ZNF608: variants seen among roughly 807,000 people sequenced by gnomAD.
ZNF608 encodes the protein zinc finger protein 608.
A neutral mutation model predicts 109.0 loss-of-function variants in ZNF608; 12 were observed. The ratio of observed to expected loss-of-function variants is 0.11; its 90% CI spans 0.07 to 0.18. The LOEUF (loss-of-function observed/expected upper bound fraction) is 0.18, where lower values mean the gene tolerates loss of function less well. Among genes scored for constraint, ZNF608 ranks in the 10% least tolerant of loss-of-function variants. ZNF608 has a pLI of 1.00. For missense variants in ZNF608, 1,707 were observed against 1,879.3 expected, an observed-to-expected ratio of 0.91 and a Z score of 1.70; for synonymous variants, 732 against 717.4, an observed-to-expected ratio of 1.02 and a Z score of -0.33.
Position 124,647,262 on chromosome 5 carries a change from T to G in ZNF608, c.3122A>C (p.Lys1041Thr). 1.2e-6 allele frequency: 2 copies of G among 1,614,250 alleles called. No homozygotes were observed. Among genetic ancestry groups the G allele is most frequent in the East Asian group, 2.2e-5 (1 of 44,888 alleles). ...KKESEEDAEK[K>T]DKAEQLDSKK... ...AGAATCTAACTGCTCTGCCTTGTCTTTCTTTTCAGCATCTTCCTCAGACTC... is the reference window on the plus strand; with the variant it reads ...AGAATCTAACTGCTCTGCCTTGTCTGTCTTTTCAGCATCTTCCTCAGACTC... Residue 1041 changes from lysine (K) to threonine (T), a missense_variant, in exon 5 of 10, where the codon AAA (lysine) becomes ACA (threonine). By Grantham distance (78) the Lys-to-Thr change is moderately conservative (BLOSUM62 -1). This residue lies in a region of ZNF608 where 1,073 missense variants were observed against 1,133.5 expected (regional missense o/e 0.95). Transcript: ENST00000513986.
At chr5:124,669,639 C>G (rs1229348205) in intron 3 of ZNF608, among the ~76,000 whole-genome samples, 4 of 138,894 alleles carry the variant, frequency 2.9e-5, no homozygotes, top group Non-Finnish European at 6.2e-5. Context: ...CCATGAATCC[C>G]TTCTCCCAAA....
intron 3 of ZNF608, among the ~76,000 whole-genome samples, chr5:124,663,234 T>C (rs992091833): frequency 3.9e-5 from 6 of 152,222 alleles, no homozygotes; most frequent in African/African-American, 1.2e-4. Context: ...GTCCAAAGGC[T>C]TTCCGGTTTT....
rs534756278 is a variant in ZNF608 at position 124,743,353 on chromosome 5, A to G, written c.906+731T>C. ...GTCCAGCTCCCCAGTCAGGTATCCAAGTGATAACACTCTTAAATCTCTAGC... is the reference window on the plus strand; with the variant it reads ...GTCCAGCTCCCCAGTCAGGTATCCAGGTGATAACACTCTTAAATCTCTAGC... On this transcript the variant is annotated intron_variant, in intron 2 of 9. Transcript: ENST00000513986. Among the ~76,000 whole-genome samples the G allele has an allele frequency of 1.2e-4, 18 of 152,300 alleles. 1 individual carries two copies. The East Asian group carries it at 1.9e-3, about 16-fold the overall frequency.
intron 2 of ZNF608, among the ~76,000 whole-genome samples, chr5:124,741,141 A>G (rs1196623918): frequency 6.6e-6 from 1 of 152,166 alleles, no homozygotes; most frequent in African/African-American, 2.4e-5. Flanking sequence ...TCTTAGAATT[A>G]TGGCATGTTT....
chr5:124,637,667 T>TTATATA lies in ZNF608; in HGVS notation c.*227_*232dup, dbSNP rs34750134. ...CAAAAAGTAAAGAATATATTTATAT[T>TTATATA]TATATATATATATATGTATATATAC... On this transcript the variant is annotated 3_prime_UTR_variant, in exon 10 of 10. Coordinates refer to ENST00000513986, the MANE Select transcript of ZNF608 (RefSeq NM_020747.3). The TTATATA allele has an allele frequency of 1.1e-5, 2 of 175,636 alleles. No individual in the cohort carries two copies. The highest frequency in any genetic ancestry group is 1.5e-4 in the East Asian group (1 of 6,554). 10.9% of individuals were successfully genotyped at this position (175,636 alleles called of 1,614,324 possible).
At chr5:124,681,053 T>C (rs1752175785) in intron 3 of ZNF608, among the ~76,000 whole-genome samples, 1 of 152,110 alleles carries the variant, frequency 6.6e-6, no homozygotes, top group African/African-American at 2.4e-5. Context: ...AGAGAGAGCA[T>C]GGAAATGGAA....
rs148128203 is a variant in ZNF608 at position 124,686,151 on chromosome 5, T to C, written c.1162+14863A>G. ...GAAATTTAAGGTAATGCTCTCCTTC[T>C]GAATCGTGGAAGATTAATGTGCAAC... is the stretch of plus-strand genomic sequence containing the variant. On this transcript the variant is annotated intron_variant, in intron 3 of 9. Coordinates refer to ENST00000513986, the MANE Select transcript of ZNF608 (RefSeq NM_020747.3). Among the ~76,000 whole-genome samples, 533 of 152,348 alleles carry C rather than the reference T, an allele frequency of 3.5e-3. 3 individuals are homozygous for C. The highest frequency in any genetic ancestry group is 0.01 in the Middle Eastern group (3 of 294).
chr5:124,736,387 C>T (rs542684115), intron 2 of ZNF608, among the ~76,000 whole-genome samples: 1 of 152,110 alleles, frequency 6.6e-6, no homozygotes, highest in Non-Finnish European at 1.5e-5. Context: ...ATAAAATCAG[C>T]CAAGGAAGTG....
chr5:124,665,828 T>C (rs1751455825), intron 3 of ZNF608, among the ~76,000 whole-genome samples: 1 of 152,244 alleles, frequency 6.6e-6, no homozygotes, highest in East Asian at 1.9e-4. Flanking sequence ...CCTTGCAGTT[T>C]AATGAACAGT....
At chr5:124,743,991 TAA>T in intron 2 of ZNF608, 91 bp downstream of exon 2, 2 of 1,483,360 alleles carry the variant, frequency 1.3e-6, no homozygotes, top group Non-Finnish European at 1.8e-6. Flanking sequence ...CCAGAAAGCA[TAA>T]AGTGTAAGGC....
intron 2 of ZNF608, among the ~76,000 whole-genome samples, chr5:124,713,607 T>G (rs1753584222): frequency 6.6e-6 from 1 of 152,262 alleles, no homozygotes; most frequent in Non-Finnish European, 1.5e-5. Flanking sequence ...ATTTGTTTTC[T>G]CTCTTGTTAT....
At chr5:124,723,701 A>T (rs1754026535) in intron 2 of ZNF608, among the ~76,000 whole-genome samples, 1 of 152,192 alleles carries the variant, frequency 6.6e-6, no homozygotes, top group African/African-American at 2.4e-5. Flanking sequence ...CAATCAATGA[A>T]TCTGACTATA....
At chr5:124,650,219 G>T (rs1402581291) in intron 3 of ZNF608, among the ~76,000 whole-genome samples, 1 of 152,162 alleles carries the variant, frequency 6.6e-6, no homozygotes, top group Non-Finnish European at 1.5e-5. Flanking sequence ...ACAGGAGAGT[G>T]GGGACTCAAG....
rs147739324 is a variant in ZNF608 at position 124,647,204 on chromosome 5, C to T, written c.3180G>A (p.Gln1060=). The change falls in exon 5 of 10, where the codon CAG becomes CAA. Residue 1060 remains glutamine, a synonymous_variant. Coordinates refer to ENST00000513986, the MANE Select transcript of ZNF608 (RefSeq NM_020747.3). The part of the protein sequence containing the change: ...KKVDHNSASL[Q]PQHQSVITQR... ...GTGTGATCACCGACTGGTGCTGAGG[C>T]TGTAAGGATGCAGAATTGTGGTCCA... is the stretch of plus-strand genomic sequence containing the variant. 1.5e-4 allele frequency: 245 copies of T among 1,614,202 alleles called. No individual in the cohort carries two copies. In the East Asian group the frequency reaches 2.8e-3, roughly 18 times the overall value.
At chr5:124,649,205 T>G in intron 4 of ZNF608, 72 bp from the exon 5 acceptor site, 1 of 1,323,084 alleles carries the variant, frequency 7.6e-7, no homozygotes. Context: ...AAGTACACAA[T>G]GCAGTAAAGA....
intron 3 of ZNF608, among the ~76,000 whole-genome samples, chr5:124,679,641 T>G (rs573783248): frequency 6.6e-6 from 1 of 152,290 alleles, no homozygotes; most frequent in African/African-American, 2.4e-5. Flanking sequence ...CTGTTATTAT[T>G]CTGAAGTAGG....
chr5:124,639,722 G>A (rs2149779593), intron 8 of ZNF608, among the ~76,000 whole-genome samples: 1 of 152,286 alleles, frequency 6.6e-6, no homozygotes, highest in Middle Eastern at 3.4e-3. Context: ...GCAAGACAAA[G>A]GTAGCAGTCA....
intron 3 of ZNF608, among the ~76,000 whole-genome samples, chr5:124,697,864 C>G (rs567575401): frequency 6.6e-6 from 1 of 152,308 alleles, no homozygotes; most frequent in Admixed American, 6.5e-5. Flanking sequence ...GGCATGAACT[C>G]TTAAAATTCT....
chr5:124,740,576 A>G (rs1749349307), intron 2 of ZNF608, among the ~76,000 whole-genome samples: 1 of 152,060 alleles, frequency 6.6e-6, no homozygotes, highest in Non-Finnish European at 1.5e-5. Flanking sequence ...AACTGCTCAC[A>G]CTCACTTAGA....
Sources: allele counts gnomAD v4.1 joint callset (sites outside exome capture counted in the v4.1 genomes callset), GRCh38; gene constraint gnomAD v4.1.1; regional missense constraint gnomAD v4.1.1; transcripts MANE v1.5; gene names NCBI Gene and HGNC (gene_info 2026-07-23, HGNC 2026-07-21).